The following ZFHX3 variants were observed in gnomAD, a reference collection of about 807,000 sequenced individuals.
ZFHX3 encodes zinc finger homeobox protein 3.
A neutral mutation model predicts 279.1 loss-of-function variants in ZFHX3; 42 were observed. The ratio of observed to expected loss-of-function variants is 0.15; its 90% CI spans 0.12 to 0.19. ZFHX3 has a LOEUF of 0.19. Ranked by LOEUF, ZFHX3 falls within the 10% of genes least tolerant of loss-of-function variation. The pLI, the probability that ZFHX3 is intolerant of heterozygous loss-of-function variation, is 1.00. For missense variants in ZFHX3, 4,981 were observed against 4,754.0 expected (o/e 1.05, Z -1.40); for synonymous variants, 2,293 against 1,957.8 (o/e 1.17, Z -4.52).
intron 2 of ZFHX3, among the ~76,000 whole-genome samples, chr16:73,508,854 A>G (rs962833702): frequency 1.8e-4 from 27 of 152,196 alleles, no homozygotes; most frequent in Non-Finnish European, 5.9e-5. Context: ...TTGACACTTC[A>G]ACCAACGTAA....
At chr16:72,982,625 A>G (rs769190529) in intron 1 of ZFHX3, among the ~76,000 whole-genome samples, 15 of 152,230 alleles carry the variant, frequency 9.9e-5, no homozygotes, top group Non-Finnish European at 2.2e-4. Flanking sequence ...GTTGCTCCAC[A>G]CAGACCAGAA....
rs368045391 is a variant in ZFHX3 at position 73,621,627 on chromosome 16, C to A, written c.-1547+58553G>T. Among the ~76,000 whole-genome samples the A allele has an allele frequency of 1.4e-4, 21 of 152,236 alleles. No individual in the cohort carries two copies. In the South Asian group the frequency reaches 4.1e-3, roughly 30 times the overall value. On this transcript the variant is annotated intron_variant, in intron 2 of 17. Transcript: ENST00000641206. ...TCACCAAAGTTTGAACCACAGGGAG[C>A]TGCACACATCTCAGAAAAACAGTTC...
At chr16:73,870,448 C>G (rs979797987) in intron 1 of ZFHX3, among the ~76,000 whole-genome samples, 5 of 152,106 alleles carry the variant, frequency 3.3e-5, no homozygotes, top group Non-Finnish European at 7.4e-5. Context: ...AAAACGAGGG[C>G]GGAAGGAGGA....
intron 1 of ZFHX3, among the ~76,000 whole-genome samples, chr16:73,859,257 G>A (rs1195907543): frequency 2.6e-5 from 4 of 152,186 alleles, no homozygotes; most frequent in Non-Finnish European, 4.4e-5. Flanking sequence ...AGGCACAATG[G>A]TAAAAGAACA....
chr16:73,397,382 G>T (rs549470427), intron 3 of ZFHX3, among the ~76,000 whole-genome samples: 48 of 151,986 alleles, frequency 3.2e-4, no homozygotes, highest in Non-Finnish European at 6.0e-4. Flanking sequence ...ACTGGGTGAG[G>T]TTGAGAGGAG....
At chr16:73,728,832 C>T (rs1289376007) in intron 1 of ZFHX3, among the ~76,000 whole-genome samples, 1 of 151,662 alleles carries the variant, frequency 6.6e-6, no homozygotes, top group Non-Finnish European at 1.5e-5. Flanking sequence ...CACACACACA[C>T]ACACACACAC....
At chr16:73,689,639 G>A (rs946101508) in intron 1 of ZFHX3, among the ~76,000 whole-genome samples, 1 of 152,136 alleles carries the variant, frequency 6.6e-6, no homozygotes, top group African/African-American at 2.4e-5. Context: ...GGTGCAGCAT[G>A]GCAGGTCCAT....
chr16:73,822,023 G>GCCTTCC, intron 1 of ZFHX3, among the ~76,000 whole-genome samples: 1 of 152,260 alleles, frequency 6.6e-6, no homozygotes, highest in South Asian at 2.1e-4. Context: ...TTGAGGCACT[G>GCCTTCC]CCTTCCCAAA....
intron 1 of ZFHX3, among the ~76,000 whole-genome samples, chr16:73,045,045 C>G (rs1965242957): frequency 6.6e-6 from 1 of 152,304 alleles, no homozygotes; most frequent in Admixed American, 6.5e-5. Flanking sequence ...GACACTGTTA[C>G]AACTCTGCAA....
chr16:72,789,591 T>C, intron 9 of ZFHX3: 1 of 152,436 alleles, frequency 6.6e-6, no homozygotes, highest in Non-Finnish European at 1.5e-5. Flanking sequence ...CTCTGACCTC[T>C]GTTGCTGCAG....
chr16:73,581,337 T>A (rs1217154070), intron 2 of ZFHX3, among the ~76,000 whole-genome samples: 3 of 151,856 alleles, frequency 2.0e-5, no homozygotes, highest in Non-Finnish European at 2.9e-5. Flanking sequence ...CTATCTACAT[T>A]AAAATTTCAA....
chr16:73,002,240 A>C (rs1351112447), intron 1 of ZFHX3, among the ~76,000 whole-genome samples: 1 of 152,192 alleles, frequency 6.6e-6, no homozygotes, highest in Admixed American at 6.5e-5. Context: ...ATGCTGAACA[A>C]GCTTCTACTT....
chr16:73,651,348 A>ATTGGC (rs2052668740), intron 2 of ZFHX3, among the ~76,000 whole-genome samples: 1 of 152,122 alleles, frequency 6.6e-6, no homozygotes, highest in East Asian at 1.9e-4. Flanking sequence ...ATTGGCAAGA[A>ATTGGC]TTATTTAAAG....
intron 1 of ZFHX3, among the ~76,000 whole-genome samples, chr16:73,821,224 T>C (rs1465773769): frequency 6.6e-6 from 1 of 152,232 alleles, no homozygotes; most frequent in East Asian, 1.9e-4. Flanking sequence ...AACTCTGTCC[T>C]GTGACCTCTG....
chr16:73,305,543 T>G (rs2015161497), intron 4 of ZFHX3, among the ~76,000 whole-genome samples: 1 of 151,836 alleles, frequency 6.6e-6, no homozygotes, highest in Admixed American at 6.6e-5. Flanking sequence ...TTTCACTAAC[T>G]CACATGTCTT....
chr16:73,645,925 A>G (rs953181842), intron 2 of ZFHX3, among the ~76,000 whole-genome samples: 3 of 152,170 alleles, frequency 2.0e-5, no homozygotes, highest in Admixed American at 6.5e-5. Context: ...TGTGTAGCTC[A>G]TTCTCCTAAA....
At chr16:73,714,803 A>C (rs2053398651) in intron 1 of ZFHX3, among the ~76,000 whole-genome samples, 1 of 151,666 alleles carries the variant, frequency 6.6e-6, no homozygotes, top group Non-Finnish European at 1.5e-5. Context: ...TTGTCTCATC[A>C]TCTGTTCCTT....
intron 5 of ZFHX3, among the ~76,000 whole-genome samples, chr16:73,251,794 G>A (rs112235251): frequency 0.15 from 13,735 of 89,442 alleles, 1,099 homozygotes; most frequent in East Asian, 0.53. Flanking sequence ...CACACACCAT[G>A]CACACACGCA....
At chr16:73,041,601 G>C (rs936155434) in intron 1 of ZFHX3, among the ~76,000 whole-genome samples, 3 of 152,028 alleles carry the variant, frequency 2.0e-5, no homozygotes, top group Non-Finnish European at 4.4e-5. Flanking sequence ...ATAACATAAG[G>C]GGACACTATT....
Sources: gnomAD v4.1 joint callset for allele counts (sites outside exome capture counted in the v4.1 genomes callset) on GRCh38, gnomAD v4.1.1 for gene constraint, MANE v1.5 for transcripts, NCBI Gene and HGNC (gene_info 2026-07-23, HGNC 2026-07-21) for gene names.